DOCK1: variants seen among roughly 807,000 people sequenced by gnomAD.
The protein encoded by DOCK1 is dedicator of cytokinesis protein 1.
Under a neutral mutation model 262.7 loss-of-function variants are expected in DOCK1, and 138 were observed. That is an observed-to-expected ratio of 0.53 (90% CI 0.46 to 0.61). The LOEUF (loss-of-function observed/expected upper bound fraction) is 0.61. DOCK1 is among the 20% of genes least tolerant of loss of function. The pLI, the probability that DOCK1 is intolerant of heterozygous loss-of-function variation, is 0.00. For missense variants in DOCK1, 1,908 were observed against 2,370.7 expected, an observed-to-expected ratio of 0.80 and a Z score of 4.05; for synonymous variants, 866 against 867.4, an observed-to-expected ratio of 1.00 and a Z score of 0.03.
intron 27 of DOCK1, among the ~76,000 whole-genome samples, chr10:127,131,023 C>T (rs896102347): frequency 4.6e-5 from 7 of 152,160 alleles, no homozygotes; most frequent in Admixed American, 2.6e-4. Flanking sequence ...AAGGGCCAGA[C>T]CACAAGCTAG....
intron 28 of DOCK1, among the ~76,000 whole-genome samples, chr10:127,250,289 T>G (rs892503759): frequency 3.3e-5 from 5 of 152,186 alleles, no homozygotes; most frequent in African/African-American, 9.7e-5. Flanking sequence ...ATAAGGATCC[T>G]TCAAGGTAAG....
In DOCK1 at chr10:127,373,801, C is replaced by A. The variant is rs1405287494; in HGVS notation, c.3453C>A (p.Thr1151=). The A allele has an allele frequency of 1.2e-6, 2 of 1,611,306 alleles. No homozygotes were observed. Among genetic ancestry groups the A allele is most frequent in the Non-Finnish European group, 1.7e-6 (2 of 1,178,804 alleles). ...TATAGTTTGAAAATGAGATCATCAC[C>A]AAGCTGGATCATGAAGTCGAAGGAG... ...SFQMFENEII[T]KLDHEVEGGR... is the part of the protein sequence containing the mutation. Residue 1151 remains threonine (T), a synonymous_variant, in exon 34 of 52, where the codon ACC becomes ACA. Coordinates refer to ENST00000623213, the MANE Select transcript of DOCK1 (RefSeq NM_001290223.2).
At chr10:127,208,934 G>T (rs2057845613) in intron 27 of DOCK1, among the ~76,000 whole-genome samples, 1 of 152,150 alleles carries the variant, frequency 6.6e-6, no homozygotes, top group Non-Finnish European at 1.5e-5. Flanking sequence ...TTAGTTCACT[G>T]TGTATATTGC....
chr10:126,967,091 A>G (rs958613316), intron 1 of DOCK1, among the ~76,000 whole-genome samples: 4,252 of 152,232 alleles, frequency 0.028, 224 homozygotes, highest in African/African-American at 0.097. Context: ...CTTGTTCTCT[A>G]TGGAGTTGTT....
chr10:126,921,405 C>G (rs1329614785), intron 1 of DOCK1, among the ~76,000 whole-genome samples: 2 of 152,064 alleles, frequency 1.3e-5, no homozygotes, highest in Non-Finnish European at 2.9e-5. Context: ...ATGGGTGAAC[C>G]TTGAAAACAT....
chr10:127,012,416 A>G lies in DOCK1; in HGVS notation c.1201+42A>G, dbSNP rs755771342. The G allele has an allele frequency of 5.6e-6, 9 of 1,595,038 alleles. No individual in the cohort carries two copies. In the Admixed American group the frequency reaches 8.4e-5, roughly 15 times the overall value. On this transcript the variant is annotated intron_variant, in intron 12 of 51. Transcript: ENST00000623213. The surrounding 1 kb of genome is among the most constrained non-coding windows in gnomAD (Gnocchi z 4.0). ...TTTGTTTCTATCAGCGTGTATTTGC[A>G]TGCGTTGGGGCAGTGCTGTCTGGGT...
At chr10:127,272,593 C>T (rs2498949) in intron 29 of DOCK1, among the ~76,000 whole-genome samples, 152,082 of 152,354 alleles carry the variant, frequency 1, 75,905 homozygotes, top group Non-Finnish European at 1. Flanking sequence ...CTTTTTCTAG[C>T]TTTTCTGGTT....
At chr10:126,933,919 A>T (rs1426237122) in intron 1 of DOCK1, among the ~76,000 whole-genome samples, 2 of 151,982 alleles carry the variant, frequency 1.3e-5, no homozygotes, top group Non-Finnish European at 2.9e-5. Context: ...CGTTCAAGTG[A>T]TTCTCCTGCC....
intron 27 of DOCK1, among the ~76,000 whole-genome samples, chr10:127,209,862 C>G (rs2057896006): frequency 6.6e-6 from 1 of 152,142 alleles, no homozygotes; most frequent in Non-Finnish European, 1.5e-5. Context: ...GCACACACAC[C>G]TAAATACGCA....
intron 23 of DOCK1, among the ~76,000 whole-genome samples, chr10:127,093,214 C>CTTTCTTTCTTTCTTTCT (rs1453771073): frequency 2.4e-4 from 28 of 115,948 alleles, no homozygotes; most frequent in Non-Finnish European, 3.6e-4. Flanking sequence ...TTCTTTCTTT[C>CTTTCTTTCTTTCTTTCT]TTTCTTTTCT....
At chr10:126,948,977 G>A (rs987058943) in intron 1 of DOCK1, among the ~76,000 whole-genome samples, 4 of 152,052 alleles carry the variant, frequency 2.6e-5, no homozygotes, top group African/African-American at 4.8e-5. Context: ...TCAGTGGCCC[G>A]GGCCCACCCC....
At chr10:127,002,103 G>A (rs1413234586) in intron 10 of DOCK1, among the ~76,000 whole-genome samples, 1 of 152,126 alleles carries the variant, frequency 6.6e-6, no homozygotes, top group African/African-American at 2.4e-5. Context: ...GTAATCTAGT[G>A]TTATATTTAA....
chr10:127,429,517 A>T (rs2069134987), intron 47 of DOCK1, among the ~76,000 whole-genome samples: 1 of 152,220 alleles, frequency 6.6e-6, no homozygotes, highest in Non-Finnish European at 1.5e-5. Context: ...TTTAAAATTT[A>T]AAAATAAACC....
At chr10:127,275,957 C>T (rs558915804) in intron 29 of DOCK1, among the ~76,000 whole-genome samples, 3 of 152,370 alleles carry the variant, frequency 2.0e-5, no homozygotes, top group Admixed American at 1.3e-4. Context: ...GTACAGGCCG[C>T]GTTGGAGATC....
chr10:127,411,381 G>A (rs2067836444), intron 43 of DOCK1, among the ~76,000 whole-genome samples: 1 of 152,116 alleles, frequency 6.6e-6, no homozygotes, highest in Admixed American at 6.6e-5. Flanking sequence ...GAACTTCAGT[G>A]GAGCACAACA....
intron 23 of DOCK1, among the ~76,000 whole-genome samples, chr10:127,064,789 G>A (rs963004272): frequency 2.6e-5 from 4 of 152,150 alleles, no homozygotes; most frequent in Non-Finnish European, 5.9e-5. Context: ...TAAGTGTCCC[G>A]TTCAGTGGCA....
chr10:127,055,448 T>C (rs2045074399), intron 22 of DOCK1, among the ~76,000 whole-genome samples: 1 of 152,218 alleles, frequency 6.6e-6, no homozygotes, highest in African/African-American at 2.4e-5. Flanking sequence ...TGTGCTTTCA[T>C]CTTATTGGCC....
intron 27 of DOCK1, among the ~76,000 whole-genome samples, chr10:127,212,870 A>G (rs1441498201): frequency 1.3e-5 from 2 of 150,724 alleles, no homozygotes; most frequent in Admixed American, 1.3e-4. Flanking sequence ...TTCTGTGATG[A>G]TTTCTTGCTT....
intron 27 of DOCK1, among the ~76,000 whole-genome samples, chr10:127,156,308 G>A (rs932281873): frequency 1.2e-4 from 18 of 152,132 alleles, no homozygotes; most frequent in African/African-American, 4.1e-4. Context: ...TTATTCTTAG[G>A]CCCCAGGCTT....
Sources: allele counts gnomAD v4.1 joint callset (sites outside exome capture counted in the v4.1 genomes callset), GRCh38; gene constraint gnomAD v4.1.1; non-coding constraint Gnocchi (gnomAD v3.1); transcripts MANE v1.5; gene names NCBI Gene and HGNC (gene_info 2026-07-23, HGNC 2026-07-21).